JCAD: variants seen among roughly 807,000 people sequenced by gnomAD.
The protein encoded by JCAD is junctional cadherin 5 associated, also known as junctional cadherin 5-associated protein.
In JCAD, 40 loss-of-function variants were observed where a neutral mutation model predicts 98.0. The ratio of observed to expected loss-of-function variants is 0.41; its 90% CI spans 0.32 to 0.53. The LOEUF (loss-of-function observed/expected upper bound fraction) is 0.53. Among genes scored for constraint, JCAD ranks in the 20% least tolerant of loss-of-function variants. The pLI, the probability that JCAD is intolerant of heterozygous loss-of-function variation, is 0.31. For missense variants in JCAD, 1,705 were observed against 1,738.1 expected, an observed-to-expected ratio of 0.98 and a Z score of 0.34; for synonymous variants, 691 against 682.3, an observed-to-expected ratio of 1.01 and a Z score of -0.20.
rs1395194690 is a variant in JCAD, at chr10:30,027,272, A to G, written c.2876T>C (p.Leu959Pro). The G allele has an allele frequency of 6.2e-7, 1 of 1,614,192 alleles. No homozygotes were observed. Among genetic ancestry groups the G allele is most frequent in the Admixed American group, 1.7e-5 (1 of 60,030 alleles). Residue 959 changes from leucine (L) to proline (P), a missense_variant, in exon 3 of 4, where the codon CTG becomes CCG. Leu to Pro is a moderately conservative substitution (Grantham distance 98). Coordinates refer to ENST00000375377, the MANE Select transcript of JCAD (RefSeq NM_020848.4). ...DGSTSAEKRHLEVSNGMDELA... is the reference protein window; with the variant it reads ...DGSTSAEKRHPEVSNGMDELA... ...CTCGTCCATTCCGTTGCTAACCTCCAGGTGTCTCTTCTCTGCACTCGTGCT... is the reference window on the plus strand; with the variant it reads ...CTCGTCCATTCCGTTGCTAACCTCCGGGTGTCTCTTCTCTGCACTCGTGCT...
intron 3 of JCAD, among the ~76,000 whole-genome samples, chr10:30,023,579 C>A (rs536101711): frequency 6.6e-6 from 1 of 152,072 alleles, no homozygotes; most frequent in Non-Finnish European, 1.5e-5. Flanking sequence ...CCCCATTAAG[C>A]GACGCATGAC....
chr10:30,020,540 T>C (rs1836642442), intron 3 of JCAD, among the ~76,000 whole-genome samples: 2 of 151,980 alleles, frequency 1.3e-5, no homozygotes, highest in Admixed American at 1.3e-4. Flanking sequence ...GCATTCAGAG[T>C]ACTTAAAGCC....
chr10:30,092,130 A>C (rs1427791309), intron 1 of JCAD, among the ~76,000 whole-genome samples: 10 of 119,182 alleles, frequency 8.4e-5, no homozygotes, highest in Non-Finnish European at 1.2e-4. Context: ...ATATATAAAA[A>C]ACATTTTAAC....
intron 1 of JCAD, among the ~76,000 whole-genome samples, chr10:30,084,176 A>G (rs1838131489): frequency 6.7e-6 from 1 of 149,248 alleles, no homozygotes; most frequent in Admixed American, 6.7e-5. Flanking sequence ...AGGAAGGAGG[A>G]AGGAAGAGGG....
At chr10:30,110,141 T>C (rs764968645) in intron 1 of JCAD, among the ~76,000 whole-genome samples, 36 of 150,666 alleles carry the variant, frequency 2.4e-4, no homozygotes, top group Admixed American at 9.9e-4. Flanking sequence ...CGCTGATGTA[T>C]AGACCAGCTG....
intron 1 of JCAD, among the ~76,000 whole-genome samples, chr10:30,077,154 T>C (rs1360540748): frequency 1.3e-5 from 2 of 152,198 alleles, no homozygotes; most frequent in Non-Finnish European, 2.9e-5. Context: ...TCTAGTCTTC[T>C]TGGGCACAAG....
At position 30,048,981 on chromosome 10, in the gene JCAD, A is replaced by G. The variant is rs529882055; in HGVS notation, c.-59-1110T>C. Among the ~76,000 whole-genome samples the G allele has an allele frequency of 3.9e-5, 6 of 152,326 alleles. No homozygotes were observed. In the South Asian group the frequency reaches 1.2e-3, roughly 32 times the overall value. On this transcript the variant is annotated intron_variant, in intron 1 of 3. Transcript: ENST00000375377. ...AAATCCTGCTATAGTACCTGAATCA[A>G]CAGCAGCAACTTCCTCCAGTGTAAA...
chr10:30,084,787 A>G (rs932411153), intron 1 of JCAD, among the ~76,000 whole-genome samples: 3 of 138,862 alleles, frequency 2.2e-5, no homozygotes, highest in Non-Finnish European at 4.6e-5. Context: ...ATCTGTATCT[A>G]TCTATCTATC....
At chr10:30,033,950 G>A (rs1334540393) in intron 2 of JCAD, among the ~76,000 whole-genome samples, 2 of 152,178 alleles carry the variant, frequency 1.3e-5, no homozygotes, top group Non-Finnish European at 2.9e-5. Context: ...AAGGCCGGGT[G>A]CAGTGGCTCA....
chr10:30,103,231 A>G (rs542921258), intron 1 of JCAD, among the ~76,000 whole-genome samples: 3 of 152,232 alleles, frequency 2.0e-5, no homozygotes, highest in African/African-American at 7.2e-5. Flanking sequence ...TTGTTTCTGT[A>G]TCTTAGCTAT....
chr10:30,105,008 T>C (rs1162374208), intron 1 of JCAD, among the ~76,000 whole-genome samples: 1 of 152,204 alleles, frequency 6.6e-6, no homozygotes, highest in African/African-American at 2.4e-5. Flanking sequence ...GGCTAGGAGC[T>C]TTTATTATTT....
chr10:30,097,181 G>A (rs1025121173), intron 1 of JCAD, among the ~76,000 whole-genome samples: 51 of 152,300 alleles, frequency 3.3e-4, no homozygotes, highest in African/African-American at 1.2e-3. Context: ...GCCACGTGCA[G>A]CTAGCATAAC....
intron 3 of JCAD, 151 bp downstream of exon 3, chr10:30,025,952 A>C: frequency 1.1e-6 from 1 of 903,322 alleles, no homozygotes; most frequent in Non-Finnish European, 1.7e-6. Flanking sequence ...TAATTCTTCG[A>C]AAATGAGGAA....
At chr10:30,064,897 C>T (rs2132664535) in intron 2 of JCAD, among the ~76,000 whole-genome samples, 1 of 152,336 alleles carries the variant, frequency 6.6e-6, no homozygotes, top group South Asian at 2.1e-4. Flanking sequence ...GTCTCGAACT[C>T]CTGACCTCGT....
intron 1 of JCAD, among the ~76,000 whole-genome samples, chr10:30,095,551 G>A (rs1320993532): frequency 6.6e-6 from 1 of 152,142 alleles, no homozygotes; most frequent in Non-Finnish European, 1.5e-5. Flanking sequence ...TTGAATTTGG[G>A]GCTGGAATTG....
rs537414011 is a variant in JCAD, at chr10:30,113,503, A to G, written n.128+1864T>C. On this transcript the variant is annotated intron_variant and non_coding_transcript_variant, in intron 1 of 2. Coordinates refer to the JCAD transcript ENST00000465712. ...TAGGTGGAGGTTGCAATGAGCCAAG[A>G]TCGTGCCACTGCACTCCAGCCTGGG... is the stretch of plus-strand genomic sequence containing the variant. Among the ~76,000 whole-genome samples, 10 of 136,412 alleles carry G rather than the reference A, an allele frequency of 7.3e-5. No individual in the cohort carries two copies. The East Asian group carries it at 2.5e-3, about 34-fold the overall frequency. The allele number at this position is 136,412 out of a possible 152,430, so 89.5% of individuals were successfully genotyped here.
At chr10:30,046,015 C>CGA (rs778557397) in intron 2 of JCAD, among the ~76,000 whole-genome samples, 1 of 152,170 alleles carries the variant, frequency 6.6e-6, no homozygotes, top group Non-Finnish European at 1.5e-5. Context: ...CCATGGAAGG[C>CGA]GAGTTCATTC....
intron 2 of JCAD, among the ~76,000 whole-genome samples, chr10:30,042,641 G>A (rs1001627727): frequency 3.9e-4 from 56 of 141,896 alleles, no homozygotes; most frequent in African/African-American, 1.7e-3. Context: ...TGGCAATGGG[G>A]GACAGAGATG....
intron 1 of JCAD, among the ~76,000 whole-genome samples, chr10:30,105,227 T>C (rs963574681): frequency 1.3e-5 from 2 of 152,190 alleles, no homozygotes; most frequent in Non-Finnish European, 2.9e-5. Flanking sequence ...AACATCCCTA[T>C]AATGGCAGAT....
Sources: allele counts gnomAD v4.1 joint callset (sites outside exome capture counted in the v4.1 genomes callset), GRCh38; gene constraint gnomAD v4.1.1; transcripts MANE v1.5; gene names NCBI Gene and HGNC (gene_info 2026-07-23, HGNC 2026-07-21).